The following CAVIN1 variants were observed in gnomAD, a reference collection of about 807,000 sequenced individuals.
The protein encoded by CAVIN1 is caveolae associated protein 1.
A neutral mutation model predicts 24.0 loss-of-function variants in CAVIN1; 16 were observed. That is an observed-to-expected ratio of 0.67 (90% CI 0.45 to 1.01). CAVIN1 has a LOEUF of 1.01. Ranked by LOEUF, CAVIN1 falls within the 50% of genes least tolerant of loss-of-function variation. The pLI is 0.00. For missense variants in CAVIN1, 510 were observed against 551.7 expected, an observed-to-expected ratio of 0.92 and a Z score of 0.76; for synonymous variants, 256 against 256.4, an observed-to-expected ratio of 1.00 and a Z score of 0.02.
At position 42,423,200 on chromosome 17, in the gene CAVIN1, C is replaced by T. The variant is rs116904624; in HGVS notation, c.-103G>A. 2 of 987,984 alleles carry T rather than the reference C, an allele frequency of 2.0e-6. No homozygotes were observed. The highest frequency in any genetic ancestry group is 2.8e-5 in the Admixed American group (1 of 35,300). The allele number at this position is 987,984 out of a possible 1,614,324, so 61.2% of individuals were successfully genotyped here. ...AGGGAGGAGAGCTAGCGGGCGAGAG[C>T]GGAGAGCAGAGGAAACTCGAGCCAC... On this transcript the variant is annotated 5_prime_UTR_variant, in exon 1 of 2. Coordinates refer to ENST00000357037, the MANE Select transcript of CAVIN1 (RefSeq NM_012232.6).
At chr17:42,411,776 G>T in intron 1 of CAVIN1, 1 of 985,394 alleles carries the variant, frequency 1.0e-6, no homozygotes. Context: ...GCAGCCTTCG[G>T]GTGCAGCTTA....
intron 1 of CAVIN1, among the ~76,000 whole-genome samples, chr17:42,411,129 GT>G (rs2085473801): frequency 1.5e-5 from 2 of 136,130 alleles, no homozygotes; most frequent in Admixed American, 1.7e-4. Flanking sequence ...GGAGGTGGAG[GT>G]TGTAGTTAGC....
intron 1 of CAVIN1, among the ~76,000 whole-genome samples, chr17:42,414,853 T>C (rs1812641140): frequency 6.6e-6 from 1 of 152,012 alleles, no homozygotes; most frequent in African/African-American, 2.4e-5. Flanking sequence ...CCTAGGTATG[T>C]GTGGAGTCCC....
intron 1 of CAVIN1, among the ~76,000 whole-genome samples, chr17:42,417,489 TA>T (rs1261632477): frequency 1.1e-4 from 17 of 148,346 alleles, no homozygotes; most frequent in Non-Finnish European, 7.4e-5. Flanking sequence ...GTAGTGGAGA[TA>T]AAAAATTCCT....
chr17:42,409,508 T>C (rs949116151), intron 1 of CAVIN1, among the ~76,000 whole-genome samples: 6 of 152,068 alleles, frequency 3.9e-5, no homozygotes, highest in Admixed American at 3.3e-4. Context: ...GCTTACACCA[T>C]AGGAGCTGCC....
At chr17:42,422,472 A>G (rs1448936076) in intron 1 of CAVIN1, among the ~76,000 whole-genome samples, 155 bp downstream of exon 1, 1 of 19,084 alleles carries the variant, frequency 5.2e-5, no homozygotes, top group African/African-American at 1.9e-4. Context: ...ACCCCACCCC[A>G]GCCGCGCTCA....
chr17:42,411,653 C>T (rs2085479568), intron 1 of CAVIN1: 1 of 985,428 alleles, frequency 1.0e-6, no homozygotes, highest in East Asian at 1.1e-4. Context: ...AGACCCCAGG[C>T]CTGAGCCTCA....
chr17:42,408,604 G>T (rs2085459021), intron 1 of CAVIN1, among the ~76,000 whole-genome samples: 1 of 151,960 alleles, frequency 6.6e-6, no homozygotes, highest in Non-Finnish European at 1.5e-5. Context: ...CAATTCTCCT[G>T]CCTGGGCCTC....
chr17:42,415,890 A>T (rs1218949937), intron 1 of CAVIN1, among the ~76,000 whole-genome samples: 1 of 152,132 alleles, frequency 6.6e-6, no homozygotes, highest in Non-Finnish European at 1.5e-5. Flanking sequence ...CCCTCTTGCT[A>T]TCAGTTGCCC....
intron 1 of CAVIN1, among the ~76,000 whole-genome samples, chr17:42,415,536 C>T (rs2085506702): frequency 6.6e-6 from 1 of 151,598 alleles, no homozygotes; most frequent in Non-Finnish European, 1.5e-5. Context: ...GTGGAGAAAC[C>T]CCATCTCCAC....
chr17:42,407,579 A>G (rs1286484731), intron 1 of CAVIN1, among the ~76,000 whole-genome samples: 1 of 152,068 alleles, frequency 6.6e-6, no homozygotes, highest in Non-Finnish European at 1.5e-5. Flanking sequence ...ATTAGCAGGG[A>G]CAAAGAGGGA....
At position 42,404,889 on chromosome 17, in the gene CAVIN1, T is replaced by C. The variant is rs758200126; in HGVS notation, c.971A>G (p.His324Arg). The part of the protein sequence containing the change: ...AVYKVPPFTF[H>R]VKKIREGQVE... ...CTGGCCCTCGCGGATCTTCTTGACGTGGAAGGTGAAGGGTGGCACCTTGTA... is the reference window on the plus strand; with the variant it reads ...CTGGCCCTCGCGGATCTTCTTGACGCGGAAGGTGAAGGGTGGCACCTTGTA... Residue 324 changes from histidine to arginine, a missense_variant, in exon 2 of 2, where the codon CAC (histidine) becomes CGC (arginine). Coordinates refer to ENST00000357037, the MANE Select transcript of CAVIN1 (RefSeq NM_012232.6). 1.2e-6 allele frequency: 2 copies of C among 1,613,490 alleles called. No individual in the cohort carries two copies. Among genetic ancestry groups the C allele is most frequent in the Non-Finnish European group, 1.7e-6 (2 of 1,179,792 alleles).
At chr17:42,419,676 CA>C (rs2085533499) in intron 1 of CAVIN1, among the ~76,000 whole-genome samples, 1 of 152,180 alleles carries the variant, frequency 6.6e-6, no homozygotes, top group Non-Finnish European at 1.5e-5. Context: ...CTGCAACCCT[CA>C]GTCCATTAAC....
chr17:42,412,671 G>A (rs923192572), intron 1 of CAVIN1, among the ~76,000 whole-genome samples: 10 of 151,398 alleles, frequency 6.6e-5, no homozygotes, highest in African/African-American at 2.2e-4. Context: ...AGGCTGGAGT[G>A]CAGTGGCACG....
chr17:42,411,199 A>AAAAAAAAAAAAAC (rs1364773468), intron 1 of CAVIN1, among the ~76,000 whole-genome samples: 1 of 146,370 alleles, frequency 6.8e-6, no homozygotes, highest in Non-Finnish European at 1.5e-5. Context: ...TCTCAAAAAA[A>AAAAAAAAAAAAAC]AAAAAAAAAA....
At chr17:42,412,595 C>G (rs1370239022) in intron 1 of CAVIN1, among the ~76,000 whole-genome samples, 1 of 141,692 alleles carries the variant, frequency 7.1e-6, no homozygotes, top group Admixed American at 7.2e-5. Context: ...CAAGGTCTCA[C>G]TATGTTGCCC....
chr17:42,418,536 T>A (rs1199588607), intron 1 of CAVIN1, among the ~76,000 whole-genome samples: 1 of 152,158 alleles, frequency 6.6e-6, no homozygotes, highest in Non-Finnish European at 1.5e-5. Flanking sequence ...CAGCCCCGTA[T>A]TTCCATTTTA....
intron 1 of CAVIN1, chr17:42,411,230 AG>A (rs1204318367): frequency 7.4e-6 from 1 of 134,726 alleles, no homozygotes; most frequent in Non-Finnish European, 1.6e-5. Context: ...TGTATATGGG[AG>A]TGATTATGAA....
chr17:42,417,109 G>A (rs1191968355), intron 1 of CAVIN1, among the ~76,000 whole-genome samples: 3 of 152,158 alleles, frequency 2.0e-5, no homozygotes, highest in South Asian at 4.2e-4. Context: ...GTCATGAGCC[G>A]CATAGCAACG....
Sources: gnomAD v4.1 joint callset for allele counts (sites outside exome capture counted in the v4.1 genomes callset) on GRCh38, gnomAD v4.1.1 for gene constraint, MANE v1.5 for transcripts, NCBI Gene and HGNC (gene_info 2026-07-23, HGNC 2026-07-21) for gene names.